The following NDUFS1 variants were observed in gnomAD, a reference collection of about 807,000 sequenced individuals.
NDUFS1 encodes the protein NADH-ubiquinone oxidoreductase 75 kDa subunit, mitochondrial.
In NDUFS1, 61 loss-of-function variants were observed where a neutral mutation model predicts 84.4. The ratio of observed to expected loss-of-function variants is 0.72; its 90% CI spans 0.59 to 0.89. NDUFS1 has a LOEUF of 0.89. Ranked by LOEUF, NDUFS1 falls within the 40% of genes least tolerant of loss-of-function variation. The pLI is 0.00. For missense variants in NDUFS1, 891 were observed against 890.0 expected (o/e 1.00, Z -0.01); for synonymous variants, 275 against 290.0 (o/e 0.95, Z 0.53).
chr2:206,130,371 C>T (rs997155013), intron 14 of NDUFS1, 129 bp from the exon 15 acceptor site: 14 of 1,227,798 alleles, frequency 1.1e-5, no homozygotes, highest in South Asian at 2.8e-5. Flanking sequence ...ATTTTTTTCT[C>T]GGCGATAGAG....
intron 3 of NDUFS1, among the ~76,000 whole-genome samples, chr2:206,151,840 T>C (rs559572887): frequency 3.9e-5 from 6 of 152,222 alleles, no homozygotes; most frequent in Non-Finnish European, 7.3e-5. Flanking sequence ...AACTTACCTA[T>C]AGTAACTAAT....
At chr2:206,124,377 A>T in intron 18 of NDUFS1, 101 bp from the exon 19 acceptor site, 1 of 852,854 alleles carries the variant, frequency 1.2e-6, no homozygotes, top group African/African-American at 1.7e-5. Flanking sequence ...AAAAGATTAT[A>T]AGGCCCTATG....
At chr2:206,128,206 C>T (rs898056250) in intron 15 of NDUFS1, among the ~76,000 whole-genome samples, 1 of 152,034 alleles carries the variant, frequency 6.6e-6, no homozygotes, top group African/African-American at 2.4e-5. Context: ...CGCTCTGTCG[C>T]CCAGGCTGGA....
chr2:206,141,885 T>C, intron 12 of NDUFS1, 56 bp downstream of exon 12: 1 of 1,509,880 alleles, frequency 6.6e-7, no homozygotes, highest in East Asian at 2.5e-5. Context: ...TTTTCACATA[T>C]AAAACAAAAA....
chr2:206,133,478 T>C (rs934431056), intron 13 of NDUFS1, among the ~76,000 whole-genome samples: 3 of 152,334 alleles, frequency 2.0e-5, no homozygotes, highest in Non-Finnish European at 4.4e-5. Context: ...TGCTTAAGTA[T>C]CATGCCTACT....
rs928285881 is a variant in NDUFS1 at position 206,119,766 on chromosome 2, G to A, written c.*4419C>T. 1 of 152,092 alleles carries A rather than the reference G, an allele frequency of 6.6e-6. No individual in the cohort carries two copies. Among genetic ancestry groups the A allele is most frequent in the Admixed American group, 6.6e-5 (1 of 15,254 alleles). 9.4% of individuals were successfully genotyped at this position (152,092 alleles called of 1,614,324 possible). A position where few individuals can be genotyped will look rare whatever the true frequency, so the allele number is the denominator to read the frequency against. Reference sequence around the variant, plus strand: ...TTATAATACAATTTACTACAAATTTGAGGGGGGAGGCTTTCCATATGGAAT... The same window carrying A: ...TTATAATACAATTTACTACAAATTTAAGGGGGGAGGCTTTCCATATGGAAT... On this transcript the variant is annotated 3_prime_UTR_variant, in exon 19 of 19. Transcript: ENST00000233190.
chr2:206,140,943 T>TATATATACACACACACACACACACAC (rs367723817), intron 12 of NDUFS1, among the ~76,000 whole-genome samples: 43 of 136,104 alleles, frequency 3.2e-4, no homozygotes, highest in African/African-American at 1.1e-3. Flanking sequence ...TATATATATA[T>TATATATACACACACACACACACACAC]ACACACACAC....
At chr2:206,133,232 A>G (rs1271347742) in intron 13 of NDUFS1, 127 bp from the exon 14 acceptor site, 16 of 731,958 alleles carry the variant, frequency 2.2e-5, no homozygotes, top group Non-Finnish European at 1.6e-5. Flanking sequence ...TCAATTTGTT[A>G]GCCCAACATA....
chr2:206,149,025 T>G lies in NDUFS1; in HGVS notation c.333A>C (p.Lys111Asn). Residue 111 changes from lysine (K) to asparagine (N), a missense_variant, in exon 5 of 19, where the codon AAA becomes AAC. Lys to Asn is a moderately conservative substitution (Grantham distance 94). Transcript: ENST00000233190. Reference sequence around the variant, plus strand: ...ATTGAATAACAATAAAGTACCTGGCTTTTTTGGATTTTTCTGAGTTTGTTA... The same window carrying G: ...ATTGAATAACAATAAAGTACCTGGCGTTTTTGGATTTTTCTGAGTTTGTTA... ...NILTNSEKSK[K>N]AREGVMEFLL... The G allele has an allele frequency of 1.2e-6, 2 of 1,608,684 alleles. No homozygotes were observed. Among genetic ancestry groups the G allele is most frequent in the Non-Finnish European group, 1.7e-6 (2 of 1,175,284 alleles).
rs756957216 is a variant in NDUFS1, at chr2:206,147,070, T to C, written c.570A>G (p.Ala190=). Residue 190 remains alanine (A), a synonymous_variant, in exon 8 of 19, where the codon GCA becomes GCG. Coordinates refer to ENST00000233190, the MANE Select transcript of NDUFS1 (RefSeq NM_005006.7). Reference sequence around the variant, plus strand: ...CTGTTGTTCCCAAATCATCTACTCCTGCAATCTCACTTGCAAACCTACAAG... The same window carrying C: ...CTGTTGTTCCCAAATCATCTACTCCCGCAATCTCACTTGCAAACCTACAAG... ...TRCIRFASEI[A]GVDDLGTTGR... 59 of 1,614,028 alleles carry C rather than the reference T, an allele frequency of 3.7e-5. No individual in the cohort carries two copies. The highest frequency in any genetic ancestry group is 3.5e-4 in the South Asian group (32 of 91,088).
At chr2:206,151,158 C>T (rs141352187) in intron 3 of NDUFS1, among the ~76,000 whole-genome samples, 8 of 152,280 alleles carry the variant, frequency 5.3e-5, no homozygotes, top group South Asian at 2.1e-4. Flanking sequence ...CCTCTACAGT[C>T]GCTGTCACCC....
chr2:206,143,200 C>T (rs1020558255), intron 10 of NDUFS1, among the ~76,000 whole-genome samples: 7 of 152,074 alleles, frequency 4.6e-5, no homozygotes, highest in South Asian at 2.1e-4. Context: ...TGCAGTGACC[C>T]GAGATCGAGA....
chr2:206,138,341 A>C, intron 13 of NDUFS1, 144 bp downstream of exon 13: 3 of 827,878 alleles, frequency 3.6e-6, no homozygotes, highest in Non-Finnish European at 5.6e-6. Context: ...TCGGACTCCC[A>C]AAGTGCTGGG....
At position 206,122,642 on chromosome 2, in the gene NDUFS1, A is replaced by AAAAAAAAAAAAAT. The variant is rs1409392850; in HGVS notation, c.*1542_*1543insATTTTTTTTTTTT. On this transcript the variant is annotated 3_prime_UTR_variant, in exon 19 of 19. Transcript: ENST00000233190. Reference sequence around the variant, plus strand: ...AAGACTCCATCTCAAAAAAAAAAAAAAAACAAAGGGAAAAAGGGCATCCTA... The same window carrying AAAAAAAAAAAAAT: ...AAGACTCCATCTCAAAAAAAAAAAAAAAAAAAAAAAAATAAACAAAGGGAAAAAGGGCATCCTA... The AAAAAAAAAAAAAT allele has an allele frequency of 6.6e-6, 1 of 151,352 alleles. No individual in the cohort carries two copies. The highest frequency in any genetic ancestry group is 2.4e-5 in the African/African-American group (1 of 40,934). 9.4% of individuals were successfully genotyped at this position (151,352 alleles called of 1,614,324 possible). A position where few individuals can be genotyped will look rare whatever the true frequency, so the allele number is the denominator to read the frequency against.
At chr2:206,132,916 ATAG>A in intron 14 of NDUFS1, 26 bp downstream of exon 14, 1 of 1,580,696 alleles carries the variant, frequency 6.3e-7, no homozygotes, top group Non-Finnish European at 8.7e-7. Flanking sequence ...ACTTGAATTT[ATAG>A]TATATAAAGC....
intron 18 of NDUFS1, among the ~76,000 whole-genome samples, chr2:206,125,470 T>C (rs1292135376): frequency 6.7e-5 from 10 of 148,598 alleles, no homozygotes; most frequent in African/African-American, 2.2e-4. Context: ...TCAAAAATTA[T>C]ACACACACAC....
In NDUFS1 at chr2:206,123,752, A is replaced by G. The variant is rs1691175690; in HGVS notation, c.*433T>C. On this transcript the variant is annotated 3_prime_UTR_variant, in exon 19 of 19. Transcript: ENST00000233190. ...TATTAATTATAATTATCCTAGATAC[A>G]TATCTGAGCATGATTATGTATTTTT... 1 of 161,808 alleles carries G rather than the reference A, an allele frequency of 6.2e-6. No homozygotes were observed. The highest frequency in any genetic ancestry group is 1.7e-4 in the South Asian group (1 of 5,790). 10.0% of individuals were successfully genotyped at this position (161,808 alleles called of 1,614,324 possible). A position where few individuals can be genotyped will look rare whatever the true frequency, so the allele number is the denominator to read the frequency against.
chr2:206,135,470 T>G (rs58734379), intron 13 of NDUFS1, among the ~76,000 whole-genome samples: 2 of 151,874 alleles, frequency 1.3e-5, no homozygotes, highest in Non-Finnish European at 2.9e-5. Context: ...GTCAGGAGAT[T>G]GAGACCATCC....
rs1287534501 is a variant in NDUFS1, at chr2:206,116,636, A to G, written c.*7549T>C. The G allele has an allele frequency of 2.2e-6, 1 of 448,894 alleles. No homozygotes were observed. Among genetic ancestry groups the G allele is most frequent in the East Asian group, 4.5e-5 (1 of 22,062 alleles). The allele number at this position is 448,894 out of a possible 1,614,324, so 27.8% of individuals were successfully genotyped here. On this transcript the variant is annotated 3_prime_UTR_variant, in exon 19 of 19. Transcript: ENST00000233190. The stretch of plus-strand genomic sequence containing the variant: ...TGTGTTGGCTCACATGTGTAATTCC[A>G]GAACTTTGGGAGGTCAAGGTGGGAG...
Sources: allele counts gnomAD v4.1 joint callset (sites outside exome capture counted in the v4.1 genomes callset), GRCh38; gene constraint gnomAD v4.1.1; transcripts MANE v1.5; gene names NCBI Gene and HGNC (gene_info 2026-07-23, HGNC 2026-07-21).